The following APPL1 variants were observed in gnomAD, a reference collection of about 807,000 sequenced individuals.
APPL1 encodes adaptor protein, phosphotyrosine interacting with PH domain and leucine zipper 1.
A neutral mutation model predicts 106.8 loss-of-function variants in APPL1; 42 were observed. The ratio of observed to expected loss-of-function variants is 0.39; its 90% CI spans 0.31 to 0.51. APPL1 has a LOEUF of 0.51. Among genes scored for constraint, APPL1 ranks in the 20% least tolerant of loss-of-function variants. APPL1 has a pLI of 0.75. For missense variants in APPL1, 769 were observed against 858.2 expected, an observed-to-expected ratio of 0.90 and a Z score of 1.30; for synonymous variants, 263 against 281.8, an observed-to-expected ratio of 0.93 and a Z score of 0.67.
chr3:57,268,226 T>C (rs2060908061), intron 20 of APPL1, 172 bp from the exon 21 acceptor site: 2 of 633,806 alleles, frequency 3.2e-6, no homozygotes, highest in African/African-American at 3.6e-5. Context: ...ATTACCAACA[T>C]AGCATTTAGA....
intron 19 of APPL1, among the ~76,000 whole-genome samples, chr3:57,262,870 A>G (rs910689785): frequency 7.5e-6 from 1 of 133,592 alleles, no homozygotes; most frequent in African/African-American, 2.9e-5. Flanking sequence ...TTTTTTTTCC[A>G]GATGGAGTCT....
chr3:57,242,072 A>G (rs1281333366), intron 5 of APPL1, 29 bp from the exon 6 acceptor site: 5 of 1,525,394 alleles, frequency 3.3e-6, no homozygotes, highest in African/African-American at 2.7e-5. Context: ...TAAATGTGCC[A>G]AACTTAAATT....
intron 19 of APPL1, among the ~76,000 whole-genome samples, chr3:57,264,343 T>G (rs1483811672): frequency 6.6e-6 from 1 of 152,150 alleles, no homozygotes; most frequent in East Asian, 1.9e-4. Context: ...TTTCTTCACT[T>G]TGTTGATTGT....
intron 7 of APPL1, among the ~76,000 whole-genome samples, chr3:57,243,437 A>G (rs1434384041): frequency 1.3e-5 from 2 of 152,232 alleles, no homozygotes; most frequent in African/African-American, 4.8e-5. Flanking sequence ...GCGTGCCTTA[A>G]GATCATGTCT....
chr3:57,271,840 A>G lies in APPL1; in HGVS notation c.*2153A>G, dbSNP rs1156759749. Reference sequence around the variant, plus strand: ...TCAGATCGAAGTGCATTCCAATGCTAAATAGAAGTTATGAGTGGGTTTAAC... The same window carrying G: ...TCAGATCGAAGTGCATTCCAATGCTGAATAGAAGTTATGAGTGGGTTTAAC... On this transcript the variant is annotated 3_prime_UTR_variant, in exon 22 of 22. Transcript: ENST00000288266. 1 of 152,242 alleles carries G rather than the reference A, an allele frequency of 6.6e-6. No individual in the cohort carries two copies. The highest frequency in any genetic ancestry group is 2.4e-5 in the African/African-American group (1 of 41,470). The allele number at this position is 152,242 out of a possible 1,614,324, so 9.4% of individuals were successfully genotyped here.
In APPL1 at chr3:57,227,917, A is replaced by T; in HGVS notation, c.34A>T (p.Thr12Ser). The T allele has an allele frequency of 6.8e-7, 1 of 1,464,384 alleles. No homozygotes were observed. The highest frequency in any genetic ancestry group is 2.2e-5 in the Admixed American group (1 of 44,816). 90.7% of individuals were successfully genotyped at this position (1,464,384 alleles called of 1,614,324 possible). Residue 12 changes from threonine (T) to serine (S), a missense_variant, in exon 1 of 22, where the codon ACG becomes TCG. Thr to Ser is a moderately conservative substitution (Grantham distance 58). Coordinates refer to ENST00000288266, the MANE Select transcript of APPL1 (RefSeq NM_012096.3). ...GATCGACAAGCTGCCCATCGAGGAG[A>T]CGCTGGAGGACAGCCCGCAGGTGAG... ...PGIDKLPIEE[T>S]LEDSPQTRSL...
intron 15 of APPL1, among the ~76,000 whole-genome samples, chr3:57,258,582 G>A (rs1366885793): frequency 2.6e-5 from 4 of 152,268 alleles, no homozygotes; most frequent in Middle Eastern, 3.4e-3. Context: ...TGTTACTTAC[G>A]CTTTAAGAAA....
intron 21 of APPL1, chr3:57,269,316 A>G: frequency 2.2e-6 from 1 of 449,462 alleles, no homozygotes; most frequent in Non-Finnish European, 3.9e-6. Context: ...AAAAAGAAAG[A>G]TAAAATATTA....
At chr3:57,260,595 T>G (rs1268218299) in intron 18 of APPL1, 33 bp from the exon 19 acceptor site, 3 of 1,585,144 alleles carry the variant, frequency 1.9e-6, no homozygotes, top group African/African-American at 1.3e-5. Flanking sequence ...ACTTGTAAGA[T>G]CTCATGTTTG....
chr3:57,231,772 C>T (rs1579377733), intron 1 of APPL1, among the ~76,000 whole-genome samples: 2 of 150,078 alleles, frequency 1.3e-5, no homozygotes, highest in African/African-American at 4.9e-5. Context: ...CACACCACTG[C>T]ACTCCAGCCT....
At chr3:57,242,405 A>G (rs1160791493) in intron 6 of APPL1, among the ~76,000 whole-genome samples, 2 of 152,006 alleles carry the variant, frequency 1.3e-5, no homozygotes, top group African/African-American at 4.8e-5. Flanking sequence ...GTTCTTTTAT[A>G]TATCCCAATT....
chr3:57,257,503 A>T, intron 15 of APPL1, 75 bp downstream of exon 15: 1 of 1,255,942 alleles, frequency 8.0e-7, no homozygotes, highest in Middle Eastern at 2.1e-4. Flanking sequence ...TTTCAGAGTC[A>T]TCTCTTATTT....
intron 4 of APPL1, 181 bp downstream of exon 4, chr3:57,238,297 C>T: frequency 2.0e-6 from 1 of 510,132 alleles, no homozygotes; most frequent in Admixed American, 3.7e-5. Flanking sequence ...ACATTGTTTT[C>T]CAGGAATAAA....
At chr3:57,256,374 A>G (rs2060836187) in intron 13 of APPL1, among the ~76,000 whole-genome samples, 1 of 152,200 alleles carries the variant, frequency 6.6e-6, no homozygotes, top group Non-Finnish European at 1.5e-5. Flanking sequence ...AGTCTAAAGT[A>G]TTTCTTATGG....
At position 57,250,697 on chromosome 3, in the gene APPL1, G is replaced by A. The variant is rs186939347; in HGVS notation, c.1052+1149G>A. On this transcript the variant is annotated intron_variant, in intron 11 of 21. Coordinates refer to ENST00000288266, the MANE Select transcript of APPL1 (RefSeq NM_012096.3). Reference sequence around the variant, plus strand: ...AATGGCTATTCTATAATCTATTTAAGGACATACAGTATAATTTAAACATTT... The same window carrying A: ...AATGGCTATTCTATAATCTATTTAAAGACATACAGTATAATTTAAACATTT... 1.2e-3 allele frequency among the ~76,000 whole-genome samples: 185 copies of A among 151,820 alleles called. 1 individual carries two copies. Among genetic ancestry groups the A allele is most frequent in the African/African-American group, 4.3e-3 (178 of 41,362 alleles).
At chr3:57,259,460 T>TTG (rs150421675) in intron 16 of APPL1, among the ~76,000 whole-genome samples, 1,616 of 149,998 alleles carry the variant, frequency 0.011, 18 homozygotes, top group African/African-American at 0.03. Flanking sequence ...TGTTGTGTGT[T>TTG]TGTGTGTGTG....
In APPL1 at chr3:57,252,293, TA is replaced by T; in HGVS notation, c.1083del (p.Asp362IlefsTer9). On this transcript the variant is annotated frameshift_variant, in exon 12 of 22. Transcript: ENST00000288266. LOFTEE classifies it high-confidence loss of function. ...GATCTTCAATTTTGCAAGCAGAGAGTAAAAAAGATCATGAAGAGGTAAGATT... is the reference window on the plus strand; with the variant it reads ...GATCTTCAATTTTGCAAGCAGAGAGTAAAAAGATCATGAAGAGGTAAGATT... Reference protein sequence around the residue: ...KKSSILQAESKKDHEEWICTI... With the variant: ...KKSSILQAESXKDHEEWICTI... The T allele has an allele frequency of 1.2e-6, 2 of 1,608,114 alleles. No homozygotes were observed. The highest frequency in any genetic ancestry group is 1.7e-5 in the Admixed American group (1 of 58,888).
At chr3:57,242,362 C>T (rs1579386122) in intron 6 of APPL1, among the ~76,000 whole-genome samples, 2 of 151,992 alleles carry the variant, frequency 1.3e-5, no homozygotes, top group Admixed American at 1.3e-4. Context: ...CTTCATAATG[C>T]CTAAAGAGGT....
At chr3:57,259,393 G>A (rs1034298268) in intron 16 of APPL1, among the ~76,000 whole-genome samples, 4 of 151,938 alleles carry the variant, frequency 2.6e-5, no homozygotes, top group African/African-American at 4.8e-5. Context: ...TTGTTTTTCC[G>A]CCACTAACTA....
Sources: gnomAD v4.1 joint callset for allele counts (sites outside exome capture counted in the v4.1 genomes callset) on GRCh38, gnomAD v4.1.1 for gene constraint, MANE v1.5 for transcripts, NCBI Gene and HGNC (gene_info 2026-07-23, HGNC 2026-07-21) for gene names.